The following MCTP1 variants were observed in gnomAD, a reference collection of about 807,000 sequenced individuals.
The protein encoded by MCTP1 is multiple C2 and transmembrane domain-containing protein 1.
Under a neutral mutation model 120.6 loss-of-function variants are expected in MCTP1, and 69 were observed. That is an observed-to-expected ratio of 0.57 (90% CI 0.47 to 0.70). MCTP1 has a LOEUF of 0.70. Among genes scored for constraint, MCTP1 ranks in the 30% least tolerant of loss-of-function variants. The pLI is 0.00. For synonymous variants in MCTP1, 529 were observed against 493.1 expected, an observed-to-expected ratio of 1.07 and a Z score of -0.96; for missense variants, 1,203 against 1,248.8, an observed-to-expected ratio of 0.96 and a Z score of 0.55.
At chr5:95,050,037 C>T (rs1175744326) in intron 1 of MCTP1, among the ~76,000 whole-genome samples, 1 of 151,774 alleles carries the variant, frequency 6.6e-6, no homozygotes, top group Non-Finnish European at 1.5e-5. Context: ...ACCTCTACCC[C>T]CGTTAGGCAA....
In MCTP1 at chr5:94,846,861, C is replaced by T. The variant is rs549176512; in HGVS notation, c.2436+21472G>A. Among the ~76,000 whole-genome samples the T allele has an allele frequency of 1.3e-4, 19 of 151,744 alleles. No individual in the cohort carries two copies. In the East Asian group the frequency reaches 3.5e-3, roughly 28 times the overall value. On this transcript the variant is annotated intron_variant, in intron 17 of 22. Transcript: ENST00000515393. ...TGTGTGTGTGGTCTTCTAAAGCACC[C>T]TTGATAATTCAAATGAGCATCCAGT...
At chr5:94,802,757 A>G (rs1157989031) in intron 17 of MCTP1, among the ~76,000 whole-genome samples, 1 of 152,220 alleles carries the variant, frequency 6.6e-6, no homozygotes, top group Non-Finnish European at 1.5e-5. Flanking sequence ...TCAAGAAACA[A>G]TTTTAAAAAT....
At chr5:95,054,018 G>A (rs979631293) in intron 1 of MCTP1, among the ~76,000 whole-genome samples, 3 of 152,168 alleles carry the variant, frequency 2.0e-5, no homozygotes, top group African/African-American at 7.2e-5. Context: ...ACACTGAGCT[G>A]CTCAGTGAAC....
intron 1 of MCTP1, among the ~76,000 whole-genome samples, chr5:95,172,746 A>G (rs373131020): frequency 1.3e-5 from 2 of 152,180 alleles, no homozygotes; most frequent in East Asian, 3.9e-4. Context: ...TGAGAGAACT[A>G]TGGTATCTCT....
chr5:94,856,891 C>A (rs1201481929), intron 17 of MCTP1, among the ~76,000 whole-genome samples: 3 of 151,526 alleles, frequency 2.0e-5, no homozygotes, highest in Non-Finnish European at 4.4e-5. Context: ...ACATTTCTGG[C>A]CTTTCAAGAA....
chr5:94,750,543 T>C (rs984056955), intron 19 of MCTP1, among the ~76,000 whole-genome samples: 22 of 152,224 alleles, frequency 1.4e-4, no homozygotes, highest in African/African-American at 5.1e-4. Flanking sequence ...TCTATGTCTC[T>C]TCTAGGAGGA....
chr5:94,934,179 C>G (rs1029083556), intron 5 of MCTP1, among the ~76,000 whole-genome samples: 2 of 151,334 alleles, frequency 1.3e-5, no homozygotes, highest in Non-Finnish European at 3.0e-5. Context: ...AAACTGAAAA[C>G]AGTAGAAAAA....
intron 1 of MCTP1, among the ~76,000 whole-genome samples, chr5:95,096,738 AG>A (rs1480381845): frequency 6.6e-6 from 1 of 152,210 alleles, no homozygotes; most frequent in East Asian, 1.9e-4. Flanking sequence ...CTACCATAAA[AG>A]GCCTGAAATG....
chr5:94,732,811 G>C (rs1305877198), intron 19 of MCTP1, among the ~76,000 whole-genome samples: 2 of 152,126 alleles, frequency 1.3e-5, no homozygotes, highest in African/African-American at 4.8e-5. Context: ...CCAGAGTCTC[G>C]ATCTTGGACT....
At chr5:95,057,646 T>G (rs990308648) in intron 1 of MCTP1, among the ~76,000 whole-genome samples, 1 of 152,176 alleles carries the variant, frequency 6.6e-6, no homozygotes, top group African/African-American at 2.4e-5. Context: ...TTCCTGATAA[T>G]TTGGGACAGG....
At position 94,873,230 on chromosome 5, in the gene MCTP1, G is replaced by C. The variant is rs1298238179; in HGVS notation, c.1945C>G (p.Pro649Ala). The C allele has an allele frequency of 6.2e-7, 1 of 1,600,988 alleles. No homozygotes were observed. Among genetic ancestry groups the C allele is most frequent in the Non-Finnish European group, 8.6e-7 (1 of 1,169,312 alleles). The change falls in exon 13 of 23, where the codon CCA becomes GCA. Residue 649 changes from proline to alanine, a missense_variant. Pro to Ala is a conservative substitution (Grantham distance 27). Transcript: ENST00000515393. The part of the protein sequence containing the change: ...MAADVTGKSD[P>A]FCVVELNNDR... ...TTGTTCAGTTCTACCACACAAAATG[G>C]GTCACTTTTTCCTACAAGAGATTTT...
At chr5:94,866,321 C>T (rs544108994) in intron 17 of MCTP1, among the ~76,000 whole-genome samples, 21 of 152,004 alleles carry the variant, frequency 1.4e-4, no homozygotes, top group South Asian at 1.0e-3. Flanking sequence ...TCTTATAGAA[C>T]TCCCAGTGCA....
At chr5:94,822,191 C>T in intron 17 of MCTP1, among the ~76,000 whole-genome samples, 1 of 152,146 alleles carries the variant, frequency 6.6e-6, no homozygotes, top group East Asian at 1.9e-4. Flanking sequence ...GGTATTTCTC[C>T]TAATACTATC....
At position 95,284,330 on chromosome 5, in the gene MCTP1, C is replaced by T. The variant is rs1760580379; in HGVS notation, c.246G>A (p.Lys82=). 6.3e-7 allele frequency: 1 copy of T among 1,597,154 alleles called. No homozygotes were observed. The change falls in exon 1 of 23, where the codon AAG becomes AAA. Residue 82 remains lysine (K), a synonymous_variant. Transcript: ENST00000515393. This position sits in a 1 kb window ranked among gnomAD's most constrained non-coding sequence, Gnocchi z 5.2. Reference sequence around the variant, plus strand: ...CTCGGTCCAGCACTTGCTTCCGCTTCTTGAAGCCGCTCCACCTGCTGCCTG... The same window carrying T: ...CTCGGTCCAGCACTTGCTTCCGCTTTTTGAAGCCGCTCCACCTGCTGCCTG... ...SGAGSRWSGF[K]KRKQVLDRVF...
intron 1 of MCTP1, among the ~76,000 whole-genome samples, chr5:95,215,399 C>T (rs1752924505): frequency 6.6e-6 from 1 of 152,118 alleles, no homozygotes; most frequent in Non-Finnish European, 1.5e-5. Flanking sequence ...TGTCTTCTTT[C>T]ATAAGAGAAT....
At chr5:94,712,418 AG>A (rs2152544836) in intron 20 of MCTP1, among the ~76,000 whole-genome samples, 1 of 81,388 alleles carries the variant, frequency 1.2e-5, no homozygotes, top group Non-Finnish European at 2.7e-5. Context: ...ACTTGAGGTG[AG>A]TTTTTTTTTT....
chr5:95,063,003 A>C (rs1749670105), intron 1 of MCTP1, among the ~76,000 whole-genome samples: 1 of 151,868 alleles, frequency 6.6e-6, no homozygotes, highest in South Asian at 2.1e-4. Flanking sequence ...TTTTTTGTAG[A>C]GATAGGGTCT....
At chr5:94,718,443 G>T (rs1277419048) in intron 19 of MCTP1, among the ~76,000 whole-genome samples, 1 of 152,064 alleles carries the variant, frequency 6.6e-6, no homozygotes, top group Admixed American at 6.5e-5. Context: ...ATACTCACAG[G>T]CAAAGATTTC....
intron 18 of MCTP1, among the ~76,000 whole-genome samples, chr5:94,788,565 T>C (rs2152975985): frequency 6.6e-6 from 1 of 152,248 alleles, no homozygotes; most frequent in Admixed American, 6.5e-5. Flanking sequence ...TCTGCTACCA[T>C]CACCCTTCCC....
Sources: allele counts gnomAD v4.1 joint callset (sites outside exome capture counted in the v4.1 genomes callset), GRCh38; gene constraint gnomAD v4.1.1; non-coding constraint Gnocchi (gnomAD v3.1); transcripts MANE v1.5; gene names NCBI Gene and HGNC (gene_info 2026-07-23, HGNC 2026-07-21).